Variants in TOP3B observed in about 807,000 individuals in gnomAD.
TOP3B encodes DNA topoisomerase 3-beta-1.
Under a neutral mutation model 93.9 loss-of-function variants are expected in TOP3B, and 45 were observed. The observed-to-expected ratio is 0.48, with a 90% CI of 0.38 to 0.61. The LOEUF (loss-of-function observed/expected upper bound fraction) is 0.61. TOP3B is among the 20% of genes least tolerant of loss of function. The probability of loss-of-function intolerance (pLI) is 0.00; values close to 1 mark genes in which losing one functional copy is unlikely to be tolerated. For missense variants in TOP3B, 750 were observed against 1,156.1 expected, an observed-to-expected ratio of 0.65 and a Z score of 5.09; for synonymous variants, 357 against 472.6, an observed-to-expected ratio of 0.76 and a Z score of 3.17.
At chr22:21,972,472 C>G (rs576069871) in intron 4 of TOP3B, 140 bp downstream of exon 4, 10 of 631,768 alleles carry the variant, frequency 1.6e-5, no homozygotes, top group Non-Finnish European at 2.7e-5. Context: ...CGTGGGCCAG[C>G]AGGGGGCACT....
At position 21,968,670 on chromosome 22, in the gene TOP3B, ATG is replaced by A. The variant is rs1569151109; in HGVS notation, c.685_686del (p.His229Ter). ...TPTLGFCVERHDKIQSFKPET... is the reference protein window; with the variant it reads ...TPTLGFCVERXDKIQSFKPET... ...CTGGTTTGAAGGACTGGATTTTATC[ATG>A]TCTCTCCACACAGAATCCCAGGGTT... On this transcript the variant is annotated frameshift_variant, in exon 7 of 18. Coordinates refer to ENST00000357179, the MANE Select transcript of TOP3B (RefSeq NM_001282112.2). LOFTEE classifies it high-confidence loss of function. 1 of 1,614,158 alleles carries A rather than the reference ATG, an allele frequency of 6.2e-7. No homozygotes were observed. The highest frequency in any genetic ancestry group is 2.2e-5 in the East Asian group (1 of 44,888).
chr22:21,979,467 T>C (rs948481267), intron 1 of TOP3B, among the ~76,000 whole-genome samples: 4 of 152,058 alleles, frequency 2.6e-5, no homozygotes, highest in African/African-American at 9.6e-5. Flanking sequence ...GACAAGACTG[T>C]CCATGTGGAC....
intron 1 of TOP3B, among the ~76,000 whole-genome samples, chr22:21,981,290 G>A (rs2084625784): frequency 6.6e-6 from 1 of 152,188 alleles, no homozygotes; most frequent in Non-Finnish European, 1.5e-5. Flanking sequence ...GGACTGTGGG[G>A]TCAGAGAGAC....
chr22:21,959,710 G>A lies in TOP3B; in HGVS notation c.1681C>T (p.Arg561Cys), dbSNP rs1451103267. Residue 561 changes from arginine (R) to cysteine (C), a missense_variant, in exon 15 of 18, where the codon CGC becomes TGC. By Grantham distance (180) the Arg-to-Cys change is radical. This residue lies in a region of TOP3B where 737 missense variants were observed against 933.7 expected (regional missense o/e 0.79). Transcript: ENST00000357179. The stretch of plus-strand genomic sequence containing the variant: ...TTCAGCTGCTTCTCCACTGCACTGC[G>A]GATGGTGGGGAGCACCAGCTCTGCA... ...IDAELVLPTI[R>C]SAVEKQLNLI... is the part of the protein sequence containing the mutation. The A allele has an allele frequency of 1.1e-5, 17 of 1,613,204 alleles. No individual in the cohort carries two copies. The Admixed American group carries it at 1.3e-4, about 13-fold the overall frequency.
In TOP3B at chr22:21,970,126, G is replaced by A. The variant is rs2071573943; in HGVS notation, c.581+84C>T. 7.2e-6 allele frequency: 11 copies of A among 1,519,446 alleles called. No individual in the cohort carries two copies. The highest frequency in any genetic ancestry group is 9.8e-6 in the Non-Finnish European group (11 of 1,125,388). 94.1% of individuals were successfully genotyped at this position (1,519,446 alleles called of 1,614,324 possible). On this transcript the variant is annotated intron_variant, in intron 6 of 17. Coordinates refer to ENST00000357179, the MANE Select transcript of TOP3B (RefSeq NM_001282112.2). This position sits in a 1 kb window ranked among gnomAD's most constrained non-coding sequence, Gnocchi z 4.4. ...CATCCTGGCTCGAGGAGGCCTAGGG[G>A]CCCCGGAGGGGGACCAGTAGAGGCA...
chr22:21,982,598 G>A (rs1342607044), intron 1 of TOP3B, 132 bp downstream of exon 1: 1 of 152,286 alleles, frequency 6.6e-6, no homozygotes, highest in Non-Finnish European at 1.5e-5. Flanking sequence ...CAAGAATGCA[G>A]AGCCCGGCCC....
chr22:21,960,445 C>A lies in TOP3B; in HGVS notation c.1530G>T (p.Thr510=), dbSNP rs200177695. The change falls in exon 14 of 18, where the codon ACG becomes ACT. Residue 510 remains threonine, a synonymous_variant. Transcript: ENST00000357179. ...TGATATGCACAGGGATGCTGGCATC[C>A]GTGCCTGCAATGTACAAGGCCCCAG... is the stretch of plus-strand genomic sequence containing the variant. ...ITLMEKHGIG[T]DASIPVHINN... 2 of 1,613,366 alleles carry A rather than the reference C, an allele frequency of 1.2e-6. No individual in the cohort carries two copies. Among genetic ancestry groups the A allele is most frequent in the East Asian group, 4.5e-5 (2 of 44,870 alleles).
At chr22:21,978,910 A>T (rs1030911840) in intron 1 of TOP3B, among the ~76,000 whole-genome samples, 1 of 152,030 alleles carries the variant, frequency 6.6e-6, no homozygotes, top group Non-Finnish European at 1.5e-5. Context: ...AGGAAAAGAG[A>T]AGCTGCGTGC....
rs572233265 is a variant in TOP3B, at chr22:21,967,567, A to C, written c.852+36T>G. ...GGCATCCAAGGGCCACCCTCACCCA[A>C]GGCAACTGTGATAGATGTGGGTGGA... is the stretch of plus-strand genomic sequence containing the variant. On this transcript the variant is annotated intron_variant, in intron 8 of 17. Transcript: ENST00000357179. 75 of 1,575,204 alleles carry C rather than the reference A, an allele frequency of 4.8e-5. No homozygotes were observed. In the South Asian group the frequency reaches 6.4e-4, roughly 13 times the overall value.
intron 13 of TOP3B, chr22:21,960,887 C>T (rs1378968619): frequency 1.1e-5 from 2 of 181,940 alleles, no homozygotes; most frequent in Admixed American, 5.4e-5. Flanking sequence ...TCCCCTAAAC[C>T]TGGACAATTC....
At chr22:21,964,906 G>T (rs936030929) in intron 9 of TOP3B, 5 of 180,318 alleles carry the variant, frequency 2.8e-5, no homozygotes, top group Non-Finnish European at 4.6e-5. Context: ...CTGCGGGGGT[G>T]GGGGGCACCA....
At chr22:21,973,572 C>T (rs1382371095) in intron 3 of TOP3B, 2 of 151,542 alleles carry the variant, frequency 1.3e-5, no homozygotes, top group South Asian at 2.1e-4. Flanking sequence ...TGGGGTCAGA[C>T]AGAGCCAAAT....
At chr22:21,973,478 G>A (rs1335225271) in intron 3 of TOP3B, 2 of 149,790 alleles carry the variant, frequency 1.3e-5, no homozygotes, top group Non-Finnish European at 1.5e-5. Flanking sequence ...AGAGACAGGG[G>A]TCTCACTATG....
chr22:21,971,856 C>T lies in TOP3B; in HGVS notation c.384+21G>A. The T allele has an allele frequency of 1.2e-6, 2 of 1,613,316 alleles. No individual in the cohort carries two copies. The highest frequency in any genetic ancestry group is 1.7e-6 in the Non-Finnish European group (2 of 1,179,320). On this transcript the variant is annotated intron_variant, in intron 5 of 17. Coordinates refer to ENST00000357179, the MANE Select transcript of TOP3B (RefSeq NM_001282112.2). This position sits in a 1 kb window ranked among gnomAD's most constrained non-coding sequence, Gnocchi z 4.6. ...TGTCAGAAAGGCCAAAAGTGAGGAACAAAGTGAGCCTCACACTCACCTCAA... is the reference window on the plus strand; with the variant it reads ...TGTCAGAAAGGCCAAAAGTGAGGAATAAAGTGAGCCTCACACTCACCTCAA...
chr22:21,964,576 A>T (rs771493375), intron 9 of TOP3B: 49 of 532,420 alleles, frequency 9.2e-5, no homozygotes, highest in Non-Finnish European at 1.5e-4. Context: ...CACTCACTCT[A>T]CCCCACGGTG....
intron 9 of TOP3B, chr22:21,964,579 C>A: frequency 1.9e-6 from 1 of 533,366 alleles, no homozygotes; most frequent in Non-Finnish European, 3.4e-6. Context: ...TCACTCTACC[C>A]CACGGTGCAT....
At chr22:21,964,407 C>G (rs1182947869) in intron 9 of TOP3B, 92 bp from the exon 10 acceptor site, 6 of 1,498,866 alleles carry the variant, frequency 4.0e-6, no homozygotes, top group Non-Finnish European at 5.5e-6. Context: ...CCCATTGTGG[C>G]CGGCCCCTCC....
In TOP3B at chr22:21,967,694, G is replaced by T; in HGVS notation, c.761C>A (p.Ser254Tyr). The T allele has an allele frequency of 1.2e-6, 2 of 1,614,048 alleles. No individual in the cohort carries two copies. The highest frequency in any genetic ancestry group is 4.5e-5 in the East Asian group (2 of 44,884). The change falls in exon 8 of 18, where the codon TCT becomes TAT. Residue 254 changes from serine (S) to tyrosine (Y), a missense_variant. Coordinates refer to ENST00000357179, the MANE Select transcript of TOP3B (RefSeq NM_001282112.2). ...TACTCGGTCCCAGTCCAAAAGGAGAGATCTGTCTTTGTCAGTGTTAACCTG... is the reference window on the plus strand; with the variant it reads ...TACTCGGTCCCAGTCCAAAAGGAGATATCTGTCTTTGTCAGTGTTAACCTG... ...QAKVNTDKDR[S>Y]LLLDWDRVRV...
intron 9 of TOP3B, chr22:21,965,055 G>C: frequency 2.6e-6 from 1 of 388,564 alleles, no homozygotes; most frequent in Non-Finnish European, 4.6e-6. Flanking sequence ...ATCTGGCTGG[G>C]GCCTCTCCCC....
Sources: gnomAD v4.1 joint callset for allele counts (sites outside exome capture counted in the v4.1 genomes callset) on GRCh38, gnomAD v4.1.1 for gene constraint, gnomAD v4.1.1 regional missense constraint, Gnocchi (gnomAD v3.1) non-coding constraint, MANE v1.5 for transcripts, NCBI Gene and HGNC (gene_info 2026-07-23, HGNC 2026-07-21) for gene names.